Variants in MATCAP2 observed in about 807,000 individuals in gnomAD.
MATCAP2 encodes putative tyrosine carboxypeptidase MATCAP2.
At chr7:36,356,816 T>A in the MATCAP2 span, 3,536 of 1,134,532 alleles carry the variant, frequency 3.1e-3, 79 homozygotes, top group African/African-American at 0.047. Context: ...TGAATATTTT[T>A]AAATGTCTTT....
At chr7:36,364,693 G>C in the MATCAP2 span, among the ~76,000 whole-genome samples, 1 of 152,184 alleles carries the variant, frequency 6.6e-6, no homozygotes, top group Non-Finnish European at 1.5e-5. Context: ...TGAATCGTGA[G>C]GGAATGACCA....
chr7:36,366,769 GCCTCCTGCGCGCC>G, the MATCAP2 span: 4 of 1,534,694 alleles, frequency 2.6e-6, no homozygotes, highest in Non-Finnish European at 3.5e-6. Context: ...TTTCGCGAGC[GCCTCCTGCGCGCC>G]CCGAAGGGGT....
At chr7:36,384,995 C>T in the MATCAP2 span, among the ~76,000 whole-genome samples, 21 of 151,816 alleles carry the variant, frequency 1.4e-4, no homozygotes, top group Non-Finnish European at 2.2e-4. Flanking sequence ...TTAATTACAA[C>T]GAAAGACATA....
At chr7:36,326,523 T>C in the MATCAP2 span, 1 of 303,794 alleles carries the variant, frequency 3.3e-6, no homozygotes, top group South Asian at 8.8e-5. Context: ...AGTATTTTCA[T>C]CTGACTCTGT....
the MATCAP2 span, among the ~76,000 whole-genome samples, chr7:36,351,010 C>T: frequency 6.6e-6 from 1 of 152,190 alleles, no homozygotes; most frequent in Non-Finnish European, 1.5e-5. Context: ...AACCTATATA[C>T]CATGACTATA....
the MATCAP2 span, among the ~76,000 whole-genome samples, chr7:36,350,382 ACATTT>A: frequency 6.6e-6 from 1 of 152,202 alleles, no homozygotes; most frequent in Admixed American, 6.5e-5. Flanking sequence ...TCAGAGGATC[ACATTT>A]AAGTCTTTGC....
At chr7:36,348,522 C>T in the MATCAP2 span, among the ~76,000 whole-genome samples, 6 of 152,294 alleles carry the variant, frequency 3.9e-5, no homozygotes, top group South Asian at 1.0e-3. Flanking sequence ...AAATTTGGAT[C>T]CACTGTTACA....
chr7:36,383,198 T>C, the MATCAP2 span, among the ~76,000 whole-genome samples: 1 of 152,194 alleles, frequency 6.6e-6, no homozygotes, highest in African/African-American at 2.4e-5. Context: ...TAGTAACAAG[T>C]AAAATAGCCC....
the MATCAP2 span, among the ~76,000 whole-genome samples, chr7:36,369,601 C>T: frequency 6.6e-6 from 1 of 152,122 alleles, no homozygotes. Context: ...TGCCTATTTT[C>T]ATTATATTTT....
At chr7:36,331,018 A>T in the MATCAP2 span, 1 of 1,613,570 alleles carries the variant, frequency 6.2e-7, no homozygotes, top group South Asian at 1.1e-5. Context: ...AGTCTATGGT[A>T]TCTCTGTATC....
the MATCAP2 span, among the ~76,000 whole-genome samples, chr7:36,354,002 C>A: frequency 2.0e-5 from 3 of 152,198 alleles, no homozygotes; most frequent in Non-Finnish European, 2.9e-5. Flanking sequence ...TTTCTGCAGG[C>A]TCTAATTCCA....
the MATCAP2 span, among the ~76,000 whole-genome samples, chr7:36,328,159 CCTG>C: frequency 6.7e-6 from 1 of 149,440 alleles, no homozygotes; most frequent in Non-Finnish European, 1.5e-5. Context: ...GCCTCGAACT[CCTG>C]GGCTCAAGCG....
chr7:36,335,786 C>G, the MATCAP2 span, among the ~76,000 whole-genome samples: 1 of 151,826 alleles, frequency 6.6e-6, no homozygotes, highest in Admixed American at 6.6e-5. Context: ...AGAACTACGA[C>G]TAGGCTGGGT....
At chr7:36,356,958 C>G in the MATCAP2 span, 5 of 1,614,186 alleles carry the variant, frequency 3.1e-6, no homozygotes, top group Admixed American at 3.3e-5. Context: ...CTTGGCAGAG[C>G]AGGATTGGCA....
the MATCAP2 span, among the ~76,000 whole-genome samples, chr7:36,360,000 C>A: frequency 6.6e-6 from 1 of 152,066 alleles, no homozygotes; most frequent in African/African-American, 2.4e-5. Context: ...TAGGTGTAGC[C>A]GGAAACGTAA....
the MATCAP2 span, among the ~76,000 whole-genome samples, chr7:36,331,844 A>T: frequency 6.6e-6 from 1 of 152,338 alleles, no homozygotes; most frequent in South Asian, 2.1e-4. Flanking sequence ...ACATGGAGTC[A>T]TATATTAAGG....
the MATCAP2 span, among the ~76,000 whole-genome samples, chr7:36,365,315 C>A: frequency 2.0e-5 from 3 of 152,192 alleles, no homozygotes; most frequent in Non-Finnish European, 4.4e-5. Flanking sequence ...CCCTACCCCT[C>A]ACCCCTGCCC....
chr7:36,384,874 AAAAGG>A, the MATCAP2 span, among the ~76,000 whole-genome samples: 3 of 152,198 alleles, frequency 2.0e-5, no homozygotes, highest in Admixed American at 2.0e-4. Flanking sequence ...GAAAAAAAAA[AAAAGG>A]AAAGTATTGT....
the MATCAP2 span, chr7:36,335,175 C>A: frequency 6.2e-7 from 1 of 1,613,746 alleles, no homozygotes; most frequent in Non-Finnish European, 8.5e-7. Flanking sequence ...AGATGAACTA[C>A]AATCTAAGGG....
Sources: allele counts gnomAD v4.1 joint callset (sites outside exome capture counted in the v4.1 genomes callset), GRCh38; gene constraint gnomAD v4.1.1; transcripts MANE v1.5; gene names NCBI Gene and HGNC (gene_info 2026-07-23, HGNC 2026-07-21).